CDK14: variants seen among roughly 807,000 people sequenced by gnomAD.
The protein encoded by CDK14 is cyclin dependent kinase 14.
Under a neutral mutation model 60.7 loss-of-function variants are expected in CDK14, and 34 were observed. That is an observed-to-expected ratio of 0.56 (90% CI 0.43 to 0.75). The LOEUF (loss-of-function observed/expected upper bound fraction) is 0.75. CDK14 is among the 30% of genes least tolerant of loss of function. The pLI is 0.00. For missense variants in CDK14, 482 were observed against 564.1 expected, an observed-to-expected ratio of 0.85 and a Z score of 1.47; for synonymous variants, 197 against 203.7, an observed-to-expected ratio of 0.97 and a Z score of 0.28.
chr7:91,195,905 G>C (rs949527154), intron 14 of CDK14, among the ~76,000 whole-genome samples: 1 of 152,154 alleles, frequency 6.6e-6, no homozygotes, highest in Non-Finnish European at 1.5e-5. Context: ...AGCTTTTCCT[G>C]TGTCTCTGTC....
At chr7:90,887,473 T>G (rs1173300987) in intron 6 of CDK14, among the ~76,000 whole-genome samples, 1 of 152,186 alleles carries the variant, frequency 6.6e-6, no homozygotes, top group East Asian at 1.9e-4. Flanking sequence ...CATTACTTTC[T>G]CTGAAAGCAT....
chr7:90,827,641 T>A (rs1789772709), intron 5 of CDK14, among the ~76,000 whole-genome samples: 1 of 152,196 alleles, frequency 6.6e-6, no homozygotes, highest in South Asian at 2.1e-4. Context: ...AAATGGACCA[T>A]GGGGAGAAAC....
chr7:91,120,241 G>A (rs1022787755), intron 14 of CDK14, among the ~76,000 whole-genome samples: 1 of 152,124 alleles, frequency 6.6e-6, no homozygotes, highest in Non-Finnish European at 1.5e-5. Context: ...CTGCTAGAAC[G>A]TGTTTCAGCT....
At chr7:91,145,562 G>A (rs1348544908) in intron 14 of CDK14, among the ~76,000 whole-genome samples, 6 of 152,186 alleles carry the variant, frequency 3.9e-5, no homozygotes, top group Non-Finnish European at 8.8e-5. Flanking sequence ...TGACAACAAT[G>A]ATAGCTAATG....
At chr7:91,130,089 G>A (rs899937580) in intron 14 of CDK14, among the ~76,000 whole-genome samples, 2 of 152,034 alleles carry the variant, frequency 1.3e-5, no homozygotes, top group African/African-American at 4.8e-5. Flanking sequence ...TATCTGAAAG[G>A]GCTATTAAAA....
intron 10 of CDK14, among the ~76,000 whole-genome samples, chr7:91,038,224 G>A (rs1013480383): frequency 2.0e-5 from 3 of 152,114 alleles, no homozygotes; most frequent in African/African-American, 7.2e-5. Flanking sequence ...TTTTTAAAAA[G>A]GTTAGTTTAA....
chr7:90,995,899 G>A (rs1166349195), intron 10 of CDK14, among the ~76,000 whole-genome samples: 1 of 152,194 alleles, frequency 6.6e-6, no homozygotes, highest in African/African-American at 2.4e-5. Flanking sequence ...GTCCCTGGTT[G>A]ATGAGTTCTC....
intron 7 of CDK14, among the ~76,000 whole-genome samples, chr7:90,913,255 ACATTCCAAGGGTAGTCCATGGGG>A (rs1792966611): frequency 6.6e-6 from 1 of 152,220 alleles, no homozygotes. Flanking sequence ...AGTTTTAAAG[ACATTCCAAGGGTAGTCCATGGGG>A]CATTCCATTG....
At chr7:90,812,157 C>A (rs1025761228) in intron 5 of CDK14, among the ~76,000 whole-genome samples, 2 of 152,180 alleles carry the variant, frequency 1.3e-5, no homozygotes, top group African/African-American at 4.8e-5. Flanking sequence ...GTTATAAAGA[C>A]ACATGCCCAT....
rs371105223 is a variant in CDK14, at chr7:90,999,537, C to T, written c.1041+15296C>T. Among the ~76,000 whole-genome samples, 4 of 151,862 alleles carry T rather than the reference C, an allele frequency of 2.6e-5. No individual in the cohort carries two copies. The East Asian group carries it at 5.8e-4, about 22-fold the overall frequency. On this transcript the variant is annotated intron_variant, in intron 10 of 14. Transcript: ENST00000380050. ...CTGGGAGGCGGAGGTTGCAGTGAGC[C>T]GAGATCATGCCACTGCACTCCAGCC... is the stretch of plus-strand genomic sequence containing the variant.
intron 2 of CDK14, among the ~76,000 whole-genome samples, chr7:90,648,163 G>A (rs1800511553): frequency 6.6e-6 from 1 of 152,176 alleles, no homozygotes; most frequent in African/African-American, 2.4e-5. Flanking sequence ...GTGTCTTGGA[G>A]GTTGCGGTCA....
chr7:91,019,892 A>C (rs968349571), intron 10 of CDK14, among the ~76,000 whole-genome samples: 3 of 152,198 alleles, frequency 2.0e-5, no homozygotes, highest in African/African-American at 7.2e-5. Flanking sequence ...ACCATGCTGC[A>C]TAACAAACCA....
intron 14 of CDK14, among the ~76,000 whole-genome samples, chr7:91,166,838 T>G (rs1322705357): frequency 6.6e-6 from 1 of 152,204 alleles, no homozygotes; most frequent in Non-Finnish European, 1.5e-5. Flanking sequence ...GTCTCTGTGC[T>G]CTTGGGCCTG....
At chr7:91,152,640 T>A (rs1800857334) in intron 14 of CDK14, among the ~76,000 whole-genome samples, 1 of 152,216 alleles carries the variant, frequency 6.6e-6, no homozygotes, top group South Asian at 2.1e-4. Flanking sequence ...GCTGTAAAGC[T>A]TAGAAATAAT....
At chr7:90,650,299 G>C (rs533113561) in intron 2 of CDK14, among the ~76,000 whole-genome samples, 1 of 151,844 alleles carries the variant, frequency 6.6e-6, no homozygotes, top group Admixed American at 6.6e-5. Flanking sequence ...ACTTTTTGAC[G>C]GGGTCGTTTG....
At chr7:91,070,339 G>A (rs1489910456) in intron 11 of CDK14, among the ~76,000 whole-genome samples, 1 of 152,102 alleles carries the variant, frequency 6.6e-6, no homozygotes, top group East Asian at 1.9e-4. Context: ...TCTGTCTCAT[G>A]TTTCTAGAAT....
intron 14 of CDK14, among the ~76,000 whole-genome samples, chr7:91,183,111 A>G (rs1170726613): frequency 7.0e-6 from 1 of 142,608 alleles, no homozygotes; most frequent in African/African-American, 2.4e-5. Context: ...ATTAAGAAAA[A>G]TCCTTTCTAT....
At chr7:90,905,765 C>T (rs186038619) in intron 7 of CDK14, among the ~76,000 whole-genome samples, 18 of 152,192 alleles carry the variant, frequency 1.2e-4, no homozygotes, top group Admixed American at 7.9e-4. Flanking sequence ...TTGTGACTTT[C>T]GAAACACTAA....
chr7:90,612,771 C>CAA lies in CDK14; in HGVS notation c.123+8543_123+8544dup, dbSNP rs531162992. Among the ~76,000 whole-genome samples the CAA allele has an allele frequency of 7.2e-4, 66 of 91,616 alleles. 1 individual carries two copies. Among genetic ancestry groups the CAA allele is most frequent in the South Asian group, 1.2e-3 (3 of 2,404 alleles). 60.1% of individuals were successfully genotyped at this position (91,616 alleles called of 152,430 possible). A position where few individuals can be genotyped will look rare whatever the true frequency, so the allele number is the denominator to read the frequency against. Reference sequence around the variant, plus strand: ...CGGGTGACAGAGAGAGACTCTGTCTCAAAAAAAAAAAAAAAAAAAAAAGAT... The same window carrying CAA: ...CGGGTGACAGAGAGAGACTCTGTCTCAAAAAAAAAAAAAAAAAAAAAAAAGAT... On this transcript the variant is annotated intron_variant, in intron 2 of 14. Transcript: ENST00000380050.
Sources: gnomAD v4.1 joint callset for allele counts (sites outside exome capture counted in the v4.1 genomes callset) on GRCh38, gnomAD v4.1.1 for gene constraint, MANE v1.5 for transcripts, NCBI Gene and HGNC (gene_info 2026-07-23, HGNC 2026-07-21) for gene names.